ISM1: variants seen among roughly 807,000 people sequenced by gnomAD.
The protein encoded by ISM1 is isthmin-1.
In ISM1, 25 loss-of-function variants were observed where a neutral mutation model predicts 46.3. The observed-to-expected ratio is 0.54, with a 90% confidence interval of 0.39 to 0.75. ISM1 has a LOEUF of 0.75. ISM1 is among the 30% of genes least tolerant of loss of function. The pLI is 0.00. For missense variants in ISM1, 536 were observed against 625.4 expected, an observed-to-expected ratio of 0.86 and a Z score of 1.52; for synonymous variants, 255 against 256.7, an observed-to-expected ratio of 0.99 and a Z score of 0.06.
intron 1 of ISM1, among the ~76,000 whole-genome samples, chr20:13,250,472 C>A (rs1330230231): frequency 6.6e-6 from 1 of 152,172 alleles, no homozygotes; most frequent in Admixed American, 6.5e-5. Flanking sequence ...AGGCTTTTGT[C>A]CTCATTGATT....
At chr20:13,316,379 T>G in the ISM1 span, among the ~76,000 whole-genome samples, 1 of 151,950 alleles carries the variant, frequency 6.6e-6, no homozygotes, top group Admixed American at 6.6e-5. Context: ...AAGAAATTAT[T>G]TCAATTCTCT....
intron 3 of ISM1, among the ~76,000 whole-genome samples, chr20:13,285,885 A>C (rs2040286537): frequency 1.3e-5 from 2 of 152,320 alleles, no homozygotes; most frequent in South Asian, 4.1e-4. Context: ...ATGTCTCTCC[A>C]AATTTGCTCT....
chr20:13,225,359 GAGAA>G (rs1054029259), intron 1 of ISM1, among the ~76,000 whole-genome samples: 2 of 152,182 alleles, frequency 1.3e-5, no homozygotes, highest in African/African-American at 4.8e-5. Context: ...ACTCAAGAGA[GAGAA>G]AGGCTTTTAA....
chr20:13,243,756 A>G (rs932781450), intron 1 of ISM1, among the ~76,000 whole-genome samples: 1 of 152,212 alleles, frequency 6.6e-6, no homozygotes, highest in Non-Finnish European at 1.5e-5. Context: ...TGTTTGCACT[A>G]TGTCTATCCA....
At chr20:13,305,965 G>A in the ISM1 span, among the ~76,000 whole-genome samples, 1 of 152,186 alleles carries the variant, frequency 6.6e-6, no homozygotes, top group Admixed American at 6.5e-5. Flanking sequence ...GCACTGGATT[G>A]AGACACAGCT....
chr20:13,241,604 C>A (rs992822859), intron 1 of ISM1, among the ~76,000 whole-genome samples: 1 of 152,130 alleles, frequency 6.6e-6, no homozygotes, highest in African/African-American at 2.4e-5. Context: ...GAGTTACCAT[C>A]TCATGACTCC....
At chr20:13,318,119 TTC>T in the ISM1 span, among the ~76,000 whole-genome samples, 2 of 80,766 alleles carry the variant, frequency 2.5e-5, no homozygotes, top group African/African-American at 9.9e-5. Context: ...CTTTAAATGT[TTC>T]TGAGGACACT....
the ISM1 span, among the ~76,000 whole-genome samples, chr20:13,311,202 T>C: frequency 8.6e-6 from 1 of 116,418 alleles, no homozygotes; most frequent in African/African-American, 3.3e-5. Flanking sequence ...CTCAAAAAAA[T>C]AGATATAGAT....
Position 13,234,364 on chromosome 20 carries a change from T to G in ISM1, c.138+12450T>G, listed in dbSNP as rs148668945. Among the ~76,000 whole-genome samples, 235 of 152,348 alleles carry G rather than the reference T, an allele frequency of 1.5e-3. 1 individual carries two copies. The highest frequency in any genetic ancestry group is 5.4e-3 in the African/African-American group (223 of 41,568). ...ACCCAGTCTTCCACTGATGGACATT[T>G]AGGTTGATTCCATGTCTTTGCTGTT... On this transcript the variant is annotated intron_variant, in intron 1 of 5. Coordinates refer to ENST00000262487, the MANE Select transcript of ISM1 (RefSeq NM_080826.2).
intron 1 of ISM1, among the ~76,000 whole-genome samples, chr20:13,268,113 T>C (rs1172633100): frequency 6.9e-6 from 1 of 144,124 alleles, no homozygotes; most frequent in East Asian, 2.2e-4. Flanking sequence ...TCTCCTCTCC[T>C]GTCTTCTCTT....
intron 1 of ISM1, among the ~76,000 whole-genome samples, chr20:13,225,639 G>T (rs1162794963): frequency 2.0e-5 from 3 of 152,064 alleles, no homozygotes. Flanking sequence ...TCCATATTGG[G>T]TAACTGGCTG....
At position 13,299,571 on chromosome 20, in the gene ISM1, A is replaced by G. The variant is rs1020625674; in HGVS notation, c.*112A>G. ...CATAGCTGCGGTCGTGTATATTTGT[A>G]TATACCACATGAGTATTTCTCATAC... is the stretch of plus-strand genomic sequence containing the variant. On this transcript the variant is annotated 3_prime_UTR_variant, in exon 6 of 6. Transcript: ENST00000262487. This position sits in a 1 kb window ranked among gnomAD's most constrained non-coding sequence, Gnocchi z 5.8. 3.1e-6 allele frequency: 3 copies of G among 980,728 alleles called. No homozygotes were observed. Among genetic ancestry groups the G allele is most frequent in the Non-Finnish European group, 3.0e-6 (2 of 659,096 alleles). The allele number at this position is 980,728 out of a possible 1,614,324, so 60.8% of individuals were successfully genotyped here. A position where few individuals can be genotyped will look rare whatever the true frequency, so the allele number is the denominator to read the frequency against.
the ISM1 span, among the ~76,000 whole-genome samples, chr20:13,325,549 A>G: frequency 6.6e-6 from 1 of 152,190 alleles, no homozygotes. Context: ...GTTTCCTGGA[A>G]CAGTTACCTA....
chr20:13,224,521 C>T (rs2039491474), intron 1 of ISM1, among the ~76,000 whole-genome samples: 1 of 152,148 alleles, frequency 6.6e-6, no homozygotes, highest in South Asian at 2.1e-4. Context: ...TGGTTCTGTG[C>T]TATCCTGAGC....
chr20:13,235,934 C>CT (rs4052994), intron 1 of ISM1, among the ~76,000 whole-genome samples: 2 of 150,114 alleles, frequency 1.3e-5, no homozygotes, highest in South Asian at 2.1e-4. Context: ...TCCCTTTTTT[C>CT]TTTTTTTTGA....
chr20:13,280,774 G>T (rs1455431337), intron 3 of ISM1, among the ~76,000 whole-genome samples: 1 of 152,230 alleles, frequency 6.6e-6, no homozygotes, highest in African/African-American at 2.4e-5. Context: ...CTTGGTGCAA[G>T]GGAGGCTGGG....
intron 4 of ISM1, among the ~76,000 whole-genome samples, chr20:13,291,182 T>G (rs2040349439): frequency 6.6e-6 from 1 of 152,212 alleles, no homozygotes; most frequent in Non-Finnish European, 1.5e-5. Context: ...CGGAGAGCAG[T>G]GTGGCCAGGA....
In ISM1 at chr20:13,288,599, A is replaced by G. The variant is rs1227902952; in HGVS notation, c.703A>G (p.Asn235Asp). The G allele has an allele frequency of 6.2e-7, 1 of 1,613,878 alleles. No homozygotes were observed. The highest frequency in any genetic ancestry group is 1.7e-5 in the Admixed American group (1 of 60,008). The change falls in exon 4 of 6, where the codon AAC becomes GAC. Residue 235 changes from asparagine to aspartate, a missense_variant. Around this residue, in one of 2 missense-constraint regions of ISM1, gnomAD observed 367 missense variants for 376.1 expected, o/e 0.98. Transcript: ENST00000262487. Reference protein sequence around the residue: ...LWSVCSVTCGNGNQKRTRSCG... With the variant: ...LWSVCSVTCGDGNQKRTRSCG... ...GTCTGTCTGCAGCGTCACCTGCGGG[A>G]ACGGCAACCAGAAACGGACCCGGTC...
rs55942609 is a variant in ISM1, at chr20:13,236,081, C to T, written c.138+14167C>T. Among the ~76,000 whole-genome samples, 1,259 of 152,114 alleles carry T rather than the reference C, an allele frequency of 8.3e-3. 19 individuals carry two copies. The highest frequency in any genetic ancestry group is 0.029 in the African/African-American group (1,189 of 41,474). On this transcript the variant is annotated intron_variant, in intron 1 of 5. Coordinates refer to ENST00000262487, the MANE Select transcript of ISM1 (RefSeq NM_080826.2). ...CTGGGATTACAGGCACCCACCACCA[C>T]GCACGGCTAATTTTTATATTTTTAG...
Sources: gnomAD v4.1 joint callset for allele counts (sites outside exome capture counted in the v4.1 genomes callset) on GRCh38, gnomAD v4.1.1 for gene constraint, gnomAD v4.1.1 regional missense constraint, Gnocchi (gnomAD v3.1) non-coding constraint, MANE v1.5 for transcripts, NCBI Gene and HGNC (gene_info 2026-07-23, HGNC 2026-07-21) for gene names.